The following MYOF variants were observed in gnomAD, a reference collection of about 807,000 sequenced individuals.
MYOF encodes the protein fer-1-like 3, myoferlin.
A neutral mutation model predicts 284.2 loss-of-function variants in MYOF; 244 were observed. That is an observed-to-expected ratio of 0.86 (90% CI 0.77 to 0.95). The LOEUF is 0.95. MYOF is among the 40% of genes least tolerant of loss of function. The pLI is 0.00. For missense variants in MYOF, 2,496 were observed against 2,560.6 expected, an observed-to-expected ratio of 0.97 and a Z score of 0.54; for synonymous variants, 904 against 919.7, an observed-to-expected ratio of 0.98 and a Z score of 0.31.
intron 51 of MYOF, 57 bp from the exon 52 acceptor site, chr10:93,310,700 C>T: frequency 6.6e-7 from 1 of 1,513,390 alleles, no homozygotes; most frequent in Non-Finnish European, 9.1e-7. Flanking sequence ...AATATTTTTA[C>T]TTCAACCCAA....
At chr10:93,402,820 G>C (rs1390651888) in intron 10 of MYOF, 40 bp downstream of exon 10, 1 of 1,561,776 alleles carries the variant, frequency 6.4e-7, no homozygotes, top group South Asian at 1.1e-5. Flanking sequence ...TAGAAGGAAT[G>C]AATTTAAGAC....
intron 23 of MYOF, 152 bp downstream of exon 23, chr10:93,374,611 G>A: frequency 2.8e-6 from 2 of 708,864 alleles, no homozygotes; most frequent in Non-Finnish European, 4.4e-6. Context: ...AGCATCCTCA[G>A]CCCAGTTACT....
Position 93,364,001 on chromosome 10 carries a change from C to T in MYOF, c.2828G>A (p.Gly943Glu), listed in dbSNP as rs1196732702. Residue 943 changes from glycine (G) to glutamate (E), a missense_variant, in exon 27 of 54, where the codon GGG becomes GAG. This residue lies in a region of MYOF where 2,436 missense variants were observed against 2,480.7 expected (regional missense o/e 0.98). Transcript: ENST00000359263. ...EVYQNESRYPGGDWKPAEDTY... is the reference protein window; with the variant it reads ...EVYQNESRYPEGDWKPAEDTY... ...GTCCTCGGCCGGCTTCCAGTCGCCC[C>T]CGGGGTAGCGGCTCTCGTTCTGATA... 1.9e-6 allele frequency: 3 copies of T among 1,614,180 alleles called. No individual in the cohort carries two copies. In the Admixed American group the frequency reaches 5.0e-5, roughly 27 times the overall value.
rs1157738039 is a variant in MYOF, at chr10:93,406,512, G to A, written c.729+2275C>T. On this transcript the variant is annotated intron_variant, in intron 7 of 53. Transcript: ENST00000359263. ...TCAACAGGAAGCCTGCATTATCAAT[G>A]CATAGACAGGGTTTACGCGTTAGGC... Among the ~76,000 whole-genome samples, 5 of 150,576 alleles carry A rather than the reference G, an allele frequency of 3.3e-5. No individual in the cohort carries two copies. The Admixed American group carries it at 3.3e-4, about 10-fold the overall frequency.
At chr10:93,450,451 G>A (rs2056559152) in intron 3 of MYOF, among the ~76,000 whole-genome samples, 1 of 152,180 alleles carries the variant, frequency 6.6e-6, no homozygotes, top group Non-Finnish European at 1.5e-5. Flanking sequence ...GTGCATGCCT[G>A]CAATCCCAGC....
rs570692640 is a variant in MYOF at position 93,425,891 on chromosome 10, T to C, written c.433+180A>G. 25 of 617,422 alleles carry C rather than the reference T, an allele frequency of 4.0e-5. No homozygotes were observed. The South Asian group carries it at 4.7e-4, about 12-fold the overall frequency. 38.2% of individuals were successfully genotyped at this position (617,422 alleles called of 1,614,324 possible). On this transcript the variant is annotated intron_variant, in intron 5 of 53. Coordinates refer to ENST00000359263, the MANE Select transcript of MYOF (RefSeq NM_013451.4). The stretch of plus-strand genomic sequence containing the variant: ...CCCTTCCCCTCTACCTTGAAGGGCA[T>C]TTCATAAACAATTGCAATGTCCCAA...
chr10:93,434,145 T>C (rs11591422), intron 3 of MYOF, among the ~76,000 whole-genome samples: 21,568 of 151,920 alleles, frequency 0.14, 1,638 homozygotes, highest in Middle Eastern at 0.2. Flanking sequence ...GAATTTGTAG[T>C]TGGGGCCAGG....
rs550945236 is a variant in MYOF at position 93,351,842 on chromosome 10, T to C, written c.3486A>G (p.Pro1162=). ...LALDKDSFSD[P]YAHICFLHRS... is the part of the protein sequence containing the mutation. Reference sequence around the variant, plus strand: ...GATGGAGGAAACAGATATGAGCATATGGATCTAAAACAGAAAAAGAGAATA... The same window carrying C: ...GATGGAGGAAACAGATATGAGCATACGGATCTAAAACAGAAAAAGAGAATA... The change falls in exon 33 of 54, where the codon CCA becomes CCG. Residue 1162 remains proline (P), a synonymous_variant. Coordinates refer to ENST00000359263, the MANE Select transcript of MYOF (RefSeq NM_013451.4). 2.2e-5 allele frequency: 35 copies of C among 1,583,436 alleles called. No individual in the cohort carries two copies. In the East Asian group the frequency reaches 4.5e-4, roughly 20 times the overall value.
rs1181127451 is a variant in MYOF, at chr10:93,366,428, T to C, written c.2717A>G (p.Glu906Gly). The change falls in exon 26 of 54, where the codon GAA becomes GGA. Residue 906 changes from glutamate (E) to glycine (G), a missense_variant. Around this residue, in one of 3 missense-constraint regions of MYOF, gnomAD observed 2,436 missense variants for 2,480.7 expected, o/e 0.98. Coordinates refer to ENST00000359263, the MANE Select transcript of MYOF (RefSeq NM_013451.4). The part of the protein sequence containing the change: ...REFFLPPKGW[E>G]WEGEWIVDPE... Reference sequence around the variant, plus strand: ...ATCAACTATCCACTCTCCTTCCCATTCCCAGCCTTTTGGAGGCAGAAAAAA... The same window carrying C: ...ATCAACTATCCACTCTCCTTCCCATCCCCAGCCTTTTGGAGGCAGAAAAAA... 6.2e-7 allele frequency: 1 copy of C among 1,613,972 alleles called. No individual in the cohort carries two copies. Among genetic ancestry groups the C allele is most frequent in the South Asian group, 1.1e-5 (1 of 91,052 alleles).
intron 28 of MYOF, among the ~76,000 whole-genome samples, chr10:93,360,851 A>C (rs1018380285): frequency 1.3e-5 from 2 of 152,162 alleles, no homozygotes; most frequent in African/African-American, 4.8e-5. Context: ...TCTTGACTCC[A>C]GCTCCCTCCC....
chr10:93,319,235 C>T (rs1014073457), intron 49 of MYOF, among the ~76,000 whole-genome samples: 1 of 152,232 alleles, frequency 6.6e-6, no homozygotes, highest in African/African-American at 2.4e-5. Flanking sequence ...CTGCCACTGT[C>T]TCCTGGGGAA....
At chr10:93,324,542 G>C (rs1020496122) in intron 46 of MYOF, 1 of 152,160 alleles carries the variant, frequency 6.6e-6, no homozygotes, top group Non-Finnish European at 1.5e-5. Context: ...TCCTCACTCT[G>C]TCATTTCTTG....
At chr10:93,406,704 G>A (rs76988291) in intron 7 of MYOF, among the ~76,000 whole-genome samples, 2,832 of 152,040 alleles carry the variant, frequency 0.019, 79 homozygotes, top group African/African-American at 0.063. Context: ...TGTCGTCTGC[G>A]ATTCCTTTGA....
intron 19 of MYOF, among the ~76,000 whole-genome samples, chr10:93,382,879 T>C (rs1846189218): frequency 1.3e-5 from 2 of 152,244 alleles, no homozygotes; most frequent in Admixed American, 1.3e-4. Flanking sequence ...ATTTTGGGTA[T>C]ATACCCAGAA....
At chr10:93,368,992 T>C (rs1394853715) in intron 25 of MYOF, among the ~76,000 whole-genome samples, 1 of 152,164 alleles carries the variant, frequency 6.6e-6, no homozygotes, top group African/African-American at 2.4e-5. Flanking sequence ...GCTGTAAACA[T>C]TTGTGAACAT....
At chr10:93,449,178 T>C (rs2056521763) in intron 3 of MYOF, among the ~76,000 whole-genome samples, 1 of 152,178 alleles carries the variant, frequency 6.6e-6, no homozygotes. Context: ...AAAGCCTGAG[T>C]AAGAGAAAGA....
intron 46 of MYOF, among the ~76,000 whole-genome samples, chr10:93,325,272 C>T (rs1842992660): frequency 6.6e-6 from 1 of 152,140 alleles, no homozygotes; most frequent in South Asian, 2.1e-4. Context: ...AACTGCTCTC[C>T]ATCTTCTGGA....
At chr10:93,472,571 G>A (rs965489000) in intron 1 of MYOF, among the ~76,000 whole-genome samples, 3 of 152,114 alleles carry the variant, frequency 2.0e-5, no homozygotes, top group African/African-American at 7.2e-5. Context: ...CCCAGGAGGA[G>A]GAGGTTGCAG....
At chr10:93,313,298 G>T in intron 50 of MYOF, 88 bp from the exon 51 acceptor site, 1 of 1,240,412 alleles carries the variant, frequency 8.1e-7, no homozygotes, top group East Asian at 2.4e-5. Context: ...TATCAGGAGA[G>T]AGGCACACAG....
Sources: allele counts gnomAD v4.1 joint callset (sites outside exome capture counted in the v4.1 genomes callset), GRCh38; gene constraint gnomAD v4.1.1; regional missense constraint gnomAD v4.1.1; transcripts MANE v1.5; gene names NCBI Gene and HGNC (gene_info 2026-07-23, HGNC 2026-07-21).